Variants in FBXO44 observed in about 807,000 individuals in gnomAD.
FBXO44 encodes F-box protein 44.
Under a neutral mutation model 33.5 loss-of-function variants are expected in FBXO44, and 25 were observed. The observed-to-expected ratio is 0.75, with a 90% CI of 0.54 to 1.04. The LOEUF (loss-of-function observed/expected upper bound fraction) is 1.04, where lower values mean the gene tolerates loss of function less well. Among genes scored for constraint, FBXO44 ranks in the 50% least tolerant of loss-of-function variants. FBXO44 has a pLI of 0.00. For synonymous variants in FBXO44, 147 were observed against 152.8 expected, an observed-to-expected ratio of 0.96 and a Z score of 0.28; for missense variants, 311 against 344.0, an observed-to-expected ratio of 0.90 and a Z score of 0.76.
At chr1:11,658,926 G>A in intron 5 of FBXO44, 55 bp downstream of exon 5, 2 of 1,592,702 alleles carry the variant, frequency 1.3e-6, no homozygotes, top group Non-Finnish European at 1.7e-6. Flanking sequence ...CTGAGGCTGT[G>A]GTCAGACGGG....
At chr1:11,655,267 G>T (rs7527817) in intron 1 of FBXO44, 5,996 of 151,188 alleles carry the variant, frequency 0.04, 153 homozygotes, top group South Asian at 0.075. Context: ...GGGTGGGAGT[G>T]GGGGTGGGGA....
At chr1:11,660,713 T>A (rs568272112) in intron 5 of FBXO44, among the ~76,000 whole-genome samples, 1 of 152,324 alleles carries the variant, frequency 6.6e-6, no homozygotes, top group Non-Finnish European at 1.5e-5. Flanking sequence ...AGCCCCTTCC[T>A]TGTTCCCCTG....
At position 11,661,520 on chromosome 1, in the gene FBXO44, CG is replaced by C. The variant is rs1640190218; in HGVS notation, c.*249del. On this transcript the variant is annotated 3_prime_UTR_variant, in exon 6 of 6. Transcript: ENST00000251547. This position sits in a 1 kb window ranked among gnomAD's most constrained non-coding sequence, Gnocchi z 4.4. Reference sequence around the variant, plus strand: ...AGCCTGCGTGTGCCCCTTTCAGAGACGGAGCACCTGAGATGTGGGAGGTGCA... The same window carrying C: ...AGCCTGCGTGTGCCCCTTTCAGAGACGAGCACCTGAGATGTGGGAGGTGCA... 1.9e-6 allele frequency: 1 copy of C among 518,812 alleles called. No individual in the cohort carries two copies. The highest frequency in any genetic ancestry group is 3.4e-6 in the Non-Finnish European group (1 of 297,150). 32.1% of individuals were successfully genotyped at this position (518,812 alleles called of 1,614,324 possible).
chr1:11,656,101 G>A lies in FBXO44; in HGVS notation c.265+1G>A. On this transcript the variant is annotated splice_donor_variant, in intron 2 of 5. Transcript: ENST00000251547. LOFTEE classifies it high-confidence loss of function. ...CTCCTGCACAACCCGTGCGCTGAAG[G>A]TGGGGTACAGGCCGGGTCTGGCATG... 2 of 1,613,236 alleles carry A rather than the reference G, an allele frequency of 1.2e-6. No individual in the cohort carries two copies. Among genetic ancestry groups the A allele is most frequent in the Non-Finnish European group, 8.5e-7 (1 of 1,179,298 alleles).
At position 11,658,820 on chromosome 1, in the gene FBXO44, C is replaced by G; in HGVS notation, c.573C>G (p.Phe191Leu). Residue 191 changes from phenylalanine (F) to leucine (L), a missense_variant, in exon 5 of 6, where the codon TTC becomes TTG. Transcript: ENST00000251547. The part of the protein sequence containing the change: ...LSSAHAPLGT[F>L]QPDPATIQQK... The stretch of plus-strand genomic sequence containing the variant: ...CCGCGCACGCGCCTCTGGGGACCTT[C>G]CAGCCAGACCCGGCGACCATCCAGC... 6.2e-7 allele frequency: 1 copy of G among 1,613,082 alleles called. No homozygotes were observed. Among genetic ancestry groups the G allele is most frequent in the Non-Finnish European group, 8.5e-7 (1 of 1,180,000 alleles).
rs751053214 is a variant in FBXO44 at position 11,655,855 on chromosome 1, A to G, written c.20A>G (p.Asn7Ser). Residue 7 changes from asparagine (N) to serine (S), a missense_variant, in exon 2 of 6, where the codon AAC (asparagine) becomes AGC (serine). By Grantham distance (46) the Asn-to-Ser change is conservative (BLOSUM62 1). Coordinates refer to ENST00000251547, the MANE Select transcript of FBXO44 (RefSeq NM_033182.7). Reference sequence around the variant, plus strand: ...CAAGCCATGGCTGTGGGGAACATCAACGAGCTGCCCGAGAACATCCTGCTG... The same window carrying G: ...CAAGCCATGGCTGTGGGGAACATCAGCGAGCTGCCCGAGAACATCCTGCTG... MAVGNI[N>S]ELPENILLEL... 2.5e-6 allele frequency: 4 copies of G among 1,613,728 alleles called. No homozygotes were observed. Among genetic ancestry groups the G allele is most frequent in the Non-Finnish European group, 3.4e-6 (4 of 1,179,944 alleles).
chr1:11,655,816 G>T lies in FBXO44; in HGVS notation c.-20G>T. 1 of 1,610,830 alleles carries T rather than the reference G, an allele frequency of 6.2e-7. No individual in the cohort carries two copies. Among genetic ancestry groups the T allele is most frequent in the South Asian group, 1.1e-5 (1 of 91,054 alleles). On this transcript the variant is annotated 5_prime_UTR_variant, in exon 2 of 6. Transcript: ENST00000251547. ...ATAGCTTTTCAACAGCTACAGGAGG[G>T]TGTCCAGAAGCCACAAGCCATGGCT...
In FBXO44 at chr1:11,658,834, C is replaced by G; in HGVS notation, c.587C>G (p.Ala196Gly). ...APLGTFQPDPATIQQKSDAKW... is the reference protein window; with the variant it reads ...APLGTFQPDPGTIQQKSDAKW... ...CTGGGGACCTTCCAGCCAGACCCGG[C>G]GACCATCCAGCAGAAGAGCGATGCC... is the stretch of plus-strand genomic sequence containing the variant. The change falls in exon 5 of 6, where the codon GCG becomes GGG. Residue 196 changes from alanine to glycine, a missense_variant. Coordinates refer to ENST00000251547, the MANE Select transcript of FBXO44 (RefSeq NM_033182.7). The G allele has an allele frequency of 6.2e-7, 1 of 1,611,830 alleles. No homozygotes were observed. Among genetic ancestry groups the G allele is most frequent in the Non-Finnish European group, 8.5e-7 (1 of 1,179,996 alleles).
intron 2 of FBXO44, among the ~76,000 whole-genome samples, chr1:11,657,812 A>T (rs137911599): frequency 1.3e-5 from 2 of 152,180 alleles, no homozygotes; most frequent in Admixed American, 6.5e-5. Flanking sequence ...CAAAAAAACT[A>T]TACAATAGAG....
At chr1:11,656,967 C>T (rs1047457524) in intron 2 of FBXO44, among the ~76,000 whole-genome samples, 2 of 152,100 alleles carry the variant, frequency 1.3e-5, no homozygotes, top group African/African-American at 2.4e-5. Flanking sequence ...ATGGGAGATC[C>T]AGTCGTCTTC....
At chr1:11,660,574 A>G (rs1640118437) in intron 5 of FBXO44, among the ~76,000 whole-genome samples, 1 of 152,166 alleles carries the variant, frequency 6.6e-6, no homozygotes, top group African/African-American at 2.4e-5. Flanking sequence ...AATCCTGTGG[A>G]GTAGACCAGC....
Position 11,658,866 on chromosome 1 carries a change from A to G in FBXO44, c.619A>G (p.Arg207Gly). The G allele has an allele frequency of 6.2e-7, 1 of 1,606,792 alleles. No homozygotes were observed. The change falls in exon 5 of 6, where the codon AGG becomes GGG. Residue 207 changes from arginine (R) to glycine (G), a missense_variant. Transcript: ENST00000251547. ...CCAGCAGAAGAGCGATGCCAAGTGGAGGGAGGTGCGTGGGCCTGGGGGACG... is the reference window on the plus strand; with the variant it reads ...CCAGCAGAAGAGCGATGCCAAGTGGGGGGAGGTGCGTGGGCCTGGGGGACG... The part of the protein sequence containing the change: ...TIQQKSDAKW[R>G]EVSHTFSNYP...
rs367972223 is a variant in FBXO44, at chr1:11,658,490, T to C, written c.393-43T>C. 56 of 1,608,492 alleles carry C rather than the reference T, an allele frequency of 3.5e-5. No individual in the cohort carries two copies. In the African/African-American group the frequency reaches 6.0e-4, roughly 17 times the overall value. On this transcript the variant is annotated intron_variant, in intron 3 of 5. Coordinates refer to ENST00000251547, the MANE Select transcript of FBXO44 (RefSeq NM_033182.7). ...GGGCAGTCCTAGCCCCTCACTGCCC[T>C]AGTGGTGAGCCCAGCCCCTCCCACC...
At chr1:11,654,842 CG>C (rs1639653872), upstream of FBXO44, 4 of 138,564 alleles carry the variant, frequency 2.9e-5, no homozygotes, top group South Asian at 2.1e-4. Flanking sequence ...GCGCGGGGCG[CG>C]GGGGCGGGGC....
upstream of FBXO44, chr1:11,654,473 ACCCGC>A: frequency 2.2e-6 from 2 of 891,974 alleles, no homozygotes; most frequent in Non-Finnish European, 3.0e-6. Flanking sequence ...CCCCGACCCG[ACCCGC>A]CCCGCCCCGC....
In FBXO44 at chr1:11,658,401, C is replaced by A. The variant is rs1013602808; in HGVS notation, c.392+8C>A. ...CTTCGTTACTTCATATTAGTAAGATCCGGGGACTTGGGGTAGGGGAAAGCC... is the reference window on the plus strand; with the variant it reads ...CTTCGTTACTTCATATTAGTAAGATACGGGGACTTGGGGTAGGGGAAAGCC... On this transcript the variant is annotated splice_region_variant and intron_variant, in intron 3 of 5. Coordinates refer to ENST00000251547, the MANE Select transcript of FBXO44 (RefSeq NM_033182.7). 7.4e-6 allele frequency: 12 copies of A among 1,613,662 alleles called. No individual in the cohort carries two copies. In the East Asian group the frequency reaches 2.5e-4, roughly 33 times the overall value.
rs1264141571 is a variant in FBXO44, at chr1:11,654,894, A to G, written c.-89A>G. ...GGGGCCTCGCTTTCCAGGCAAGCGC[A>G]GGTCCAGGCGGTGCAGCTTGGGCGG... On this transcript the variant is annotated 5_prime_UTR_variant, in exon 1 of 6. Transcript: ENST00000251547. The G allele has an allele frequency of 1.4e-5, 2 of 139,552 alleles. No individual in the cohort carries two copies. Among genetic ancestry groups the G allele is most frequent in the East Asian group, 2.2e-4 (1 of 4,504 alleles). The allele number at this position is 139,552 out of a possible 1,614,324, so 8.6% of individuals were successfully genotyped here.
chr1:11,656,603 C>T (rs1004988652), intron 2 of FBXO44, among the ~76,000 whole-genome samples: 6 of 140,860 alleles, frequency 4.3e-5, no homozygotes, highest in Admixed American at 6.8e-5. Flanking sequence ...CTGGGATTAC[C>T]GGTGCCCGCC....
intron 2 of FBXO44, 37 bp downstream of exon 2, chr1:11,656,137 A>G (rs1248572699): frequency 1.8e-5 from 29 of 1,602,432 alleles, no homozygotes; most frequent in Non-Finnish European, 2.3e-5. Context: ...CCTCCAGTAC[A>G]CAGTCATGAC....
Sources: gnomAD v4.1 joint callset for allele counts (sites outside exome capture counted in the v4.1 genomes callset) on GRCh38, gnomAD v4.1.1 for gene constraint, Gnocchi (gnomAD v3.1) non-coding constraint, MANE v1.5 for transcripts, NCBI Gene and HGNC (gene_info 2026-07-23, HGNC 2026-07-21) for gene names.